Variants in DDX10 observed in about 807,000 individuals in gnomAD.
DDX10 encodes the protein probable ATP-dependent RNA helicase DDX10.
A neutral mutation model predicts 104.3 loss-of-function variants in DDX10; 74 were observed. The observed-to-expected ratio is 0.71, with a 90% CI of 0.59 to 0.86. The LOEUF (loss-of-function observed/expected upper bound fraction) is 0.86, where lower values mean the gene tolerates loss of function less well. DDX10 is among the 40% of genes least tolerant of loss of function. The pLI is 0.00. For synonymous variants in DDX10, 351 were observed against 353.4 expected, an observed-to-expected ratio of 0.99 and a Z score of 0.08; for missense variants, 952 against 1,040.0, an observed-to-expected ratio of 0.92 and a Z score of 1.16.
rs193115659 is a variant in DDX10, at chr11:108,909,338, G to A, written c.2305-8535G>A. ...CATGGAAGTTCTGTGCCCCACTCCC[G>A]CCCCTTCCCTTGTCCTGTGCCCCAC... On this transcript the variant is annotated intron_variant, in intron 16 of 17. Transcript: ENST00000322536. 3.3e-4 allele frequency among the ~76,000 whole-genome samples: 38 copies of A among 115,486 alleles called. No individual in the cohort carries two copies. In the East Asian group the frequency reaches 9.6e-3, roughly 29 times the overall value. The allele number at this position is 115,486 out of a possible 152,430, so 75.8% of individuals were successfully genotyped here. A position where few individuals can be genotyped will look rare whatever the true frequency, so the allele number is the denominator to read the frequency against.
At chr11:108,722,735 G>A (rs2094299802) in intron 12 of DDX10, among the ~76,000 whole-genome samples, 1 of 152,142 alleles carries the variant, frequency 6.6e-6, no homozygotes, top group Admixed American at 6.5e-5. Flanking sequence ...CTGTTATCTT[G>A]TTTCTGGTCC....
rs190170233 is a variant in DDX10, at chr11:108,743,912, A to G, written c.1965+20450A>G. ...TTGGAGAAGCAATATAAAAACTGCC[A>G]GGTAATACTTATGTTCCTTTTGAGA... On this transcript the variant is annotated intron_variant, in intron 13 of 17. Transcript: ENST00000322536. Among the ~76,000 whole-genome samples the G allele has an allele frequency of 8.5e-5, 13 of 152,300 alleles. No individual in the cohort carries two copies. In the East Asian group the frequency reaches 2.3e-3, roughly 27 times the overall value.
In DDX10 at chr11:108,940,873, ATGAG is replaced by A. The variant is rs1276509555; in HGVS notation, c.*452_*455del. 2 of 204,078 alleles carry A rather than the reference ATGAG, an allele frequency of 9.8e-6. No individual in the cohort carries two copies. Among genetic ancestry groups the A allele is most frequent in the South Asian group, 1.9e-4 (1 of 5,250 alleles). The allele number at this position is 204,078 out of a possible 1,614,324, so 12.6% of individuals were successfully genotyped here. ...TATGATGGACCAGCCCTGAGAAAGA[ATGAG>A]TATTTTTGAATTGAGATGATCAATA... On this transcript the variant is annotated 3_prime_UTR_variant, in exon 18 of 18. Transcript: ENST00000322536.
intron 13 of DDX10, among the ~76,000 whole-genome samples, chr11:108,737,827 A>T: frequency 6.6e-6 from 1 of 152,090 alleles, no homozygotes; most frequent in East Asian, 1.9e-4. Flanking sequence ...ATTCTCACCC[A>T]AGTTTGTTTT....
chr11:108,692,186 T>C (rs987705997), intron 8 of DDX10, 148 bp downstream of exon 8: 3 of 667,322 alleles, frequency 4.5e-6, no homozygotes, highest in Non-Finnish European at 7.2e-6. Context: ...TTGGTAGCAG[T>C]TGACTAACAT....
intron 16 of DDX10, among the ~76,000 whole-genome samples, chr11:108,887,879 C>T (rs935187301): frequency 4.0e-5 from 6 of 151,708 alleles, no homozygotes; most frequent in Non-Finnish European, 7.4e-5. Flanking sequence ...GCGATCACAC[C>T]ACTCTCCAGC....
Position 108,940,528 on chromosome 11 carries a change from T to G in DDX10, c.*105T>G, listed in dbSNP as rs770828767. On this transcript the variant is annotated 3_prime_UTR_variant, in exon 18 of 18. Coordinates refer to ENST00000322536, the MANE Select transcript of DDX10 (RefSeq NM_004398.4). Reference sequence around the variant, plus strand: ...GGCACTTAGGTACCATATGCCCCATTCCCAAAGGGCACATTTCTGGATAGA... The same window carrying G: ...GGCACTTAGGTACCATATGCCCCATGCCCAAAGGGCACATTTCTGGATAGA... The G allele has an allele frequency of 1.3e-5, 15 of 1,115,222 alleles. No homozygotes were observed. Among genetic ancestry groups the G allele is most frequent in the Non-Finnish European group, 1.9e-5 (15 of 785,748 alleles). The allele number at this position is 1,115,222 out of a possible 1,614,324, so 69.1% of individuals were successfully genotyped here.
At chr11:108,822,908 T>C (rs1404278541) in intron 13 of DDX10, among the ~76,000 whole-genome samples, 1 of 152,200 alleles carries the variant, frequency 6.6e-6, no homozygotes, top group East Asian at 1.9e-4. Flanking sequence ...TTCTCGGCTA[T>C]TTGGCTAAGA....
intron 13 of DDX10, among the ~76,000 whole-genome samples, chr11:108,798,492 T>C (rs1176085637): frequency 1.3e-5 from 2 of 152,186 alleles, no homozygotes; most frequent in African/African-American, 2.4e-5. Context: ...CCATTCTGCT[T>C]TCTGTTTCTA....
At chr11:108,703,202 C>A (rs1305186078) in intron 9 of DDX10, among the ~76,000 whole-genome samples, 1 of 152,032 alleles carries the variant, frequency 6.6e-6, no homozygotes, top group Admixed American at 6.5e-5. Flanking sequence ...CTTAACTATT[C>A]CACAATGTGT....
chr11:108,864,927 C>T (rs1394566605), intron 16 of DDX10, among the ~76,000 whole-genome samples: 3 of 152,156 alleles, frequency 2.0e-5, no homozygotes, highest in African/African-American at 4.8e-5. Flanking sequence ...TTTCAGTGTG[C>T]CTGATTGCAG....
chr11:108,868,421 C>T (rs1260448277), intron 16 of DDX10: 3 of 151,082 alleles, frequency 2.0e-5, no homozygotes, highest in Non-Finnish European at 4.4e-5. Context: ...AATACATTTT[C>T]CATCCCTTCC....
At chr11:108,909,602 G>T (rs1472172671) in intron 16 of DDX10, among the ~76,000 whole-genome samples, 2 of 152,186 alleles carry the variant, frequency 1.3e-5, no homozygotes, top group African/African-American at 2.4e-5. Context: ...AAGTTGTAGA[G>T]AATTATGGAA....
chr11:108,903,448 A>C (rs1863545308), intron 16 of DDX10, among the ~76,000 whole-genome samples: 1 of 152,184 alleles, frequency 6.6e-6, no homozygotes, highest in African/African-American at 2.4e-5. Context: ...TCCCTCATCC[A>C]TGGATTCAAA....
chr11:108,937,949 G>C (rs1420069807), intron 17 of DDX10, among the ~76,000 whole-genome samples: 1 of 152,146 alleles, frequency 6.6e-6, no homozygotes, highest in Non-Finnish European at 1.5e-5. Context: ...AAAAATCTAA[G>C]TCCCACAGAA....
intron 17 of DDX10, chr11:108,921,745 G>A (rs1050606224): frequency 1.3e-5 from 2 of 152,234 alleles, no homozygotes; most frequent in Non-Finnish European, 2.9e-5. Flanking sequence ...GGATCACGAG[G>A]TCACGAGATC....
chr11:108,936,035 A>C (rs1010273764), intron 17 of DDX10, among the ~76,000 whole-genome samples: 2 of 152,088 alleles, frequency 1.3e-5, no homozygotes, highest in Non-Finnish European at 1.5e-5. Flanking sequence ...TTTGCCACAC[A>C]ATTGCAGATT....
chr11:108,675,122 G>GTGTA, intron 2 of DDX10, among the ~76,000 whole-genome samples: 1 of 150,066 alleles, frequency 6.7e-6, no homozygotes, highest in Non-Finnish European at 1.5e-5. Flanking sequence ...GTGTGTGTGT[G>GTGTA]TGTATGTGTA....
intron 13 of DDX10, among the ~76,000 whole-genome samples, chr11:108,732,833 A>G (rs1373438446): frequency 1.3e-5 from 2 of 152,250 alleles, no homozygotes; most frequent in Non-Finnish European, 2.9e-5. Flanking sequence ...GCATGAACAT[A>G]CAATTAAAAT....
Sources: gnomAD v4.1 joint callset for allele counts (sites outside exome capture counted in the v4.1 genomes callset) on GRCh38, gnomAD v4.1.1 for gene constraint, MANE v1.5 for transcripts, NCBI Gene and HGNC (gene_info 2026-07-23, HGNC 2026-07-21) for gene names.